The following NGEF variants were observed in gnomAD, a reference collection of about 807,000 sequenced individuals.
NGEF encodes neuronal guanine nucleotide exchange factor, also known as ephexin-1.
A neutral mutation model predicts 80.9 loss-of-function variants in NGEF; 31 were observed. That is an observed-to-expected ratio of 0.38 (90% confidence interval 0.29 to 0.52). The LOEUF (loss-of-function observed/expected upper bound fraction) is 0.52. Among genes scored for constraint, NGEF ranks in the 20% least tolerant of loss-of-function variants. NGEF has a pLI of 0.84. For missense variants in NGEF, 709 were observed against 926.2 expected, an observed-to-expected ratio of 0.77 and a Z score of 3.04; for synonymous variants, 371 against 370.2, an observed-to-expected ratio of 1.00 and a Z score of -0.03.
At chr2:232,983,303 T>C (rs1694474542) in intron 1 of NGEF, among the ~76,000 whole-genome samples, 1 of 151,512 alleles carries the variant, frequency 6.6e-6, no homozygotes, top group Admixed American at 6.6e-5. Context: ...CGTGGCCACT[T>C]GGGGGCGTCG....
rs544782339 is a variant in NGEF at position 232,908,632 on chromosome 2, G to T, written c.828+11652C>A. ...TTGCCCAGGCTGGTCTTCAACTCCTGGGCTAAAACCACTCCTCCTACCTCA... is the reference window on the plus strand; with the variant it reads ...TTGCCCAGGCTGGTCTTCAACTCCTTGGCTAAAACCACTCCTCCTACCTCA... On this transcript the variant is annotated intron_variant, in intron 5 of 14. Transcript: ENST00000264051. Among the ~76,000 whole-genome samples the T allele has an allele frequency of 3.1e-4, 47 of 152,012 alleles. 1 individual carries two copies. Among genetic ancestry groups the T allele is most frequent in the African/African-American group, 9.9e-4 (41 of 41,484 alleles).
At chr2:232,921,976 G>T (rs1692954843) in intron 4 of NGEF, among the ~76,000 whole-genome samples, 1 of 105,282 alleles carries the variant, frequency 9.5e-6, no homozygotes. Flanking sequence ...AGGAGATGAG[G>T]GTCCGGCTGA....
chr2:232,952,970 CAAAAAAA>C (rs57198276), intron 3 of NGEF, among the ~76,000 whole-genome samples: 29 of 73,070 alleles, frequency 4.0e-4, no homozygotes, highest in African/African-American at 1.6e-3. Flanking sequence ...AGACAGCCCT[CAAAAAAA>C]AAAAAAAAAA....
At chr2:232,888,262 A>G (rs1425541942) in intron 8 of NGEF, among the ~76,000 whole-genome samples, 155 bp from the exon 9 acceptor site, 1 of 151,966 alleles carries the variant, frequency 6.6e-6, no homozygotes, top group African/African-American at 2.4e-5. Flanking sequence ...GCATACATGC[A>G]TGCACACATG....
Position 232,879,483 on chromosome 2 carries a change from T to TG in NGEF, c.*5dup, listed in dbSNP as rs759586862. On this transcript the variant is annotated 3_prime_UTR_variant, in exon 15 of 15. Transcript: ENST00000264051. ...GCCCTGCTCCCGCTGGCCCCCTGGG[T>TG]GGGGGTCATTGCCGATTCCGGCTGC... 126 of 1,480,324 alleles carry TG rather than the reference T, an allele frequency of 8.5e-5. No homozygotes were observed. The highest frequency in any genetic ancestry group is 1.1e-4 in the Non-Finnish European group (119 of 1,085,720). 91.7% of individuals were successfully genotyped at this position (1,480,324 alleles called of 1,614,324 possible). A position where few individuals can be genotyped will look rare whatever the true frequency, so the allele number is the denominator to read the frequency against.
At chr2:233,007,403 C>T (rs1695107537) in intron 1 of NGEF, among the ~76,000 whole-genome samples, 1 of 152,168 alleles carries the variant, frequency 6.6e-6, no homozygotes, top group Non-Finnish European at 1.5e-5. Flanking sequence ...CAGGTAGCCG[C>T]CAGGTAGCTC....
At chr2:232,905,973 A>C (rs1692509749) in intron 5 of NGEF, 3 of 131,138 alleles carry the variant, frequency 2.3e-5, no homozygotes, top group East Asian at 2.8e-4. Context: ...CCTACTGGGA[A>C]GTGAGGAGCC....
At chr2:232,996,452 G>A (rs569829487) in intron 1 of NGEF, among the ~76,000 whole-genome samples, 1 of 152,184 alleles carries the variant, frequency 6.6e-6, no homozygotes, top group Non-Finnish European at 1.5e-5. Flanking sequence ...GCCGCTGAGC[G>A]CAGTGATTCT....
intron 12 of NGEF, 43 bp downstream of exon 12, chr2:232,883,268 G>T: frequency 6.5e-7 from 1 of 1,542,422 alleles, no homozygotes; most frequent in Admixed American, 1.9e-5. Context: ...CACACAGAAA[G>T]GTGCCACGGG....
chr2:232,951,894 C>G (rs938224293), intron 3 of NGEF, among the ~76,000 whole-genome samples: 3 of 152,010 alleles, frequency 2.0e-5, no homozygotes, highest in African/African-American at 7.2e-5. Context: ...TTTTTTATAG[C>G]ATTTCTTAAC....
chr2:232,915,100 C>G (rs1441111567), intron 5 of NGEF, among the ~76,000 whole-genome samples: 2 of 152,096 alleles, frequency 1.3e-5, no homozygotes, highest in African/African-American at 4.8e-5. Flanking sequence ...CTAAGTAACC[C>G]CAGACCCTCC....
Position 232,930,058 on chromosome 2 carries a change from T to C in NGEF, c.384-2872A>G, listed in dbSNP as rs572290535. ...GAGGCCATGTGGAATTGTGAGTCCATTAAATCTCTTTTTCTTTATAAATTA... is the reference window on the plus strand; with the variant it reads ...GAGGCCATGTGGAATTGTGAGTCCACTAAATCTCTTTTTCTTTATAAATTA... On this transcript the variant is annotated intron_variant, in intron 3 of 14. Transcript: ENST00000264051. Among the ~76,000 whole-genome samples the C allele has an allele frequency of 5.9e-5, 9 of 152,300 alleles. No homozygotes were observed. The South Asian group carries it at 1.9e-3, about 32-fold the overall frequency.
chr2:232,977,689 C>G (rs545606891), intron 1 of NGEF, among the ~76,000 whole-genome samples: 1 of 152,120 alleles, frequency 6.6e-6, no homozygotes, highest in African/African-American at 2.4e-5. Context: ...TCTGTGGAGG[C>G]CTCTGACTGC....
intron 14 of NGEF, 139 bp from the exon 15 acceptor site, chr2:232,879,818 G>C (rs1691431018): frequency 2.9e-6 from 2 of 701,604 alleles, no homozygotes; most frequent in Non-Finnish European, 2.3e-6. Context: ...CAGCGGCTCT[G>C]CACACCTCTG....
chr2:232,929,544 C>G (rs140281790), intron 3 of NGEF, among the ~76,000 whole-genome samples: 1 of 152,134 alleles, frequency 6.6e-6, no homozygotes, highest in African/African-American at 2.4e-5. Flanking sequence ...GGGGCCAGAA[C>G]GGGCAGGTCT....
At chr2:232,927,981 C>G (rs1373479782) in intron 3 of NGEF, 1 of 1,282,868 alleles carries the variant, frequency 7.8e-7, no homozygotes, top group East Asian at 3.3e-5. Context: ...GCGCTGAAGG[C>G]AGCGGCCAGC....
chr2:232,900,227 TTCAC>T (rs1692272748), intron 5 of NGEF, among the ~76,000 whole-genome samples: 1 of 91,614 alleles, frequency 1.1e-5, no homozygotes, highest in Non-Finnish European at 2.1e-5. Context: ...TTCACTCACA[TTCAC>T]ACACACACGC....
chr2:232,956,572 G>C (rs1693837882), intron 3 of NGEF, among the ~76,000 whole-genome samples: 2 of 152,034 alleles, frequency 1.3e-5, no homozygotes, highest in Admixed American at 1.3e-4. Context: ...TTCGAGACCA[G>C]CCTGGCCAAC....
At chr2:232,934,774 A>C (rs769025978) in intron 3 of NGEF, among the ~76,000 whole-genome samples, 7 of 152,156 alleles carry the variant, frequency 4.6e-5, no homozygotes, top group Non-Finnish European at 8.8e-5. Flanking sequence ...AGGCCAAGGT[A>C]GGTGGTTTGC....
Sources: allele counts gnomAD v4.1 joint callset (sites outside exome capture counted in the v4.1 genomes callset), GRCh38; gene constraint gnomAD v4.1.1; transcripts MANE v1.5; gene names NCBI Gene and HGNC (gene_info 2026-07-23, HGNC 2026-07-21).